TSPO: variants seen among roughly 807,000 people sequenced by gnomAD.
TSPO encodes the protein benzodiazepine peripheral binding site.
A neutral mutation model predicts 13.9 loss-of-function variants in TSPO; 14 were observed. That is an observed-to-expected ratio of 1.01 (90% confidence interval 0.67 to 1.58). The LOEUF (loss-of-function observed/expected upper bound fraction) is 1.58. Among genes scored for constraint, TSPO ranks in the 40% most tolerant of loss-of-function variants. The pLI is 0.00. For missense variants in TSPO, 232 were observed against 229.6 expected (o/e 1.01, Z -0.07); for synonymous variants, 114 against 105.9 (o/e 1.08, Z -0.47).
intron 1 of TSPO, among the ~76,000 whole-genome samples, chr22:43,157,638 C>G (rs574052443): frequency 6.6e-6 from 1 of 152,040 alleles, no homozygotes; most frequent in African/African-American, 2.4e-5. Context: ...GAGACCAGCC[C>G]GGCCAACATG....
chr22:43,161,996 G>C (rs1931455868), intron 3 of TSPO, among the ~76,000 whole-genome samples: 1 of 151,894 alleles, frequency 6.6e-6, no homozygotes, highest in Non-Finnish European at 1.5e-5. Flanking sequence ...TGTTGCCCAG[G>C]CTGGAGTGCA....
At position 43,162,791 on chromosome 22, in the gene TSPO, CA is replaced by C; in HGVS notation, c.322-10del. 6.4e-7 allele frequency: 1 copy of C among 1,552,364 alleles called. No homozygotes were observed. The highest frequency in any genetic ancestry group is 8.7e-7 in the Non-Finnish European group (1 of 1,147,840). Reference sequence around the variant, plus strand: ...TCAGGCCTCCCCATCCTCCGTCCCCCAATCTCTGCAGGCCTTGGTGGATCTC... The same window carrying C: ...TCAGGCCTCCCCATCCTCCGTCCCCCATCTCTGCAGGCCTTGGTGGATCTC... On this transcript the variant is annotated splice_polypyrimidine_tract_variant and intron_variant, in intron 3 of 3. Transcript: ENST00000337554.
At chr22:43,158,410 T>C (rs1931323268) in intron 1 of TSPO, among the ~76,000 whole-genome samples, 1 of 152,110 alleles carries the variant, frequency 6.6e-6, no homozygotes, top group African/African-American at 2.4e-5. Flanking sequence ...TGGCTTCTTG[T>C]CTCAGACAAG....
In TSPO at chr22:43,162,804, C is replaced by A; in HGVS notation, c.323C>A (p.Ala108Asp). 6.3e-7 allele frequency: 1 copy of A among 1,579,376 alleles called. No homozygotes were observed. ...TCCTCCGTCCCCCAATCTCTGCAGG[C>A]CTTGGTGGATCTCCTGCTGGTCAGT... ...IFFGARQMGWALVDLLLVSGA... is the reference protein window; with the variant it reads ...IFFGARQMGWDLVDLLLVSGA... The change falls in exon 4 of 4, where the codon GCC becomes GAC. Residue 108 changes from alanine (A) to aspartate (D), a missense_variant and splice_region_variant. By Grantham distance (126) the Ala-to-Asp change is moderately radical. Transcript: ENST00000337554.
At chr22:43,161,337 C>T in intron 3 of TSPO, 147 bp downstream of exon 3, 2 of 1,187,234 alleles carry the variant, frequency 1.7e-6, no homozygotes. Flanking sequence ...CAGCCCACAC[C>T]CTGGAGCCTC....
At chr22:43,157,384 C>A (rs777656218) in intron 1 of TSPO, among the ~76,000 whole-genome samples, 9 of 151,972 alleles carry the variant, frequency 5.9e-5, no homozygotes, top group Non-Finnish European at 1.2e-4. Flanking sequence ...CCCACCCCCC[C>A]AGAATGTCCA....
intron 1 of TSPO, among the ~76,000 whole-genome samples, chr22:43,156,712 C>T (rs1931261244): frequency 6.6e-6 from 1 of 152,236 alleles, no homozygotes; most frequent in African/African-American, 2.4e-5. Flanking sequence ...TGGCTCACGC[C>T]TGCACTGGGG....
rs758354864 is a variant in TSPO at position 43,161,100 on chromosome 22, G to A, written c.231G>A (p.Lys77=). 2 of 1,614,194 alleles carry A rather than the reference G, an allele frequency of 1.2e-6. No individual in the cohort carries two copies. The highest frequency in any genetic ancestry group is 3.3e-5 in the Admixed American group (2 of 60,026). ...VWKELGGFTE[K]AVVPLGLYTG... ...AAGAGCTGGGAGGCTTCACAGAGAA[G>A]GCTGTGGTTCCCCTGGGCCTCTACA... The change falls in exon 3 of 4, where the codon AAG becomes AAA. Residue 77 remains lysine, a synonymous_variant. Coordinates refer to ENST00000337554, the MANE Select transcript of TSPO (RefSeq NM_000714.6).
chr22:43,162,279 G>A (rs1211071757), intron 3 of TSPO, among the ~76,000 whole-genome samples: 3 of 152,068 alleles, frequency 2.0e-5, no homozygotes, highest in Non-Finnish European at 2.9e-5. Context: ...GTGCTACCAC[G>A]CCTGGCTAAT....
At chr22:43,156,625 T>C (rs954470771) in intron 1 of TSPO, among the ~76,000 whole-genome samples, 12 of 152,088 alleles carry the variant, frequency 7.9e-5, no homozygotes, top group African/African-American at 2.9e-4. Flanking sequence ...ATACAGAGGG[T>C]GGTTGCACAA....
rs1229938160 is a variant in TSPO at position 43,159,567 on chromosome 22, G to A, written c.182+147G>A. 1.0e-5 allele frequency: 9 copies of A among 881,548 alleles called. No individual in the cohort carries two copies. The East Asian group carries it at 2.6e-4, about 25-fold the overall frequency. 54.6% of individuals were successfully genotyped at this position (881,548 alleles called of 1,614,324 possible). ...TGGCAAGCCAGGGTGGGGAAGCTGTGGGCCTGTCGATTGCACAACTGAACT... is the reference window on the plus strand; with the variant it reads ...TGGCAAGCCAGGGTGGGGAAGCTGTAGGCCTGTCGATTGCACAACTGAACT... On this transcript the variant is annotated intron_variant, in intron 2 of 3. Transcript: ENST00000337554.
Position 43,161,234 on chromosome 22 carries a change from C to T in TSPO, c.321+44C>T, listed in dbSNP as rs1182628757. The T allele has an allele frequency of 8.9e-6, 14 of 1,581,522 alleles. 1 individual carries two copies. In the African/African-American group the frequency reaches 9.4e-5, roughly 11 times the overall value. On this transcript the variant is annotated intron_variant, in intron 3 of 3. Coordinates refer to ENST00000337554, the MANE Select transcript of TSPO (RefSeq NM_000714.6). ...TGTGTCCCTGATCCCTGGATCCGAC[C>T]CTTGGAGGACGTGGGGCATCACATA...
chr22:43,154,364 A>ATTTATTTT (rs1931186485), intron 1 of TSPO, among the ~76,000 whole-genome samples: 1 of 150,476 alleles, frequency 6.6e-6, no homozygotes, highest in Admixed American at 6.6e-5. Flanking sequence ...TTATTTATTT[A>ATTTATTTT]TTTATTTATT....
chr22:43,154,487 T>C (rs1179960476), intron 1 of TSPO, among the ~76,000 whole-genome samples: 3 of 152,040 alleles, frequency 2.0e-5, no homozygotes, highest in Non-Finnish European at 2.9e-5. Context: ...GCCTTCTGAG[T>C]AGCTGGGATT....
chr22:43,161,805 T>A (rs1353508282), intron 3 of TSPO, among the ~76,000 whole-genome samples: 1 of 152,150 alleles, frequency 6.6e-6, no homozygotes, highest in Admixed American at 6.5e-5. Context: ...CCCGGCTGAC[T>A]GCTTCTTTTT....
chr22:43,158,289 T>G (rs1321624946), intron 1 of TSPO, among the ~76,000 whole-genome samples: 1 of 152,168 alleles, frequency 6.6e-6, no homozygotes, highest in Non-Finnish European at 1.5e-5. Flanking sequence ...CCAGGCTCCC[T>G]CAGCACCAGT....
intron 1 of TSPO, among the ~76,000 whole-genome samples, chr22:43,157,809 C>A (rs573321353): frequency 6.6e-6 from 1 of 152,330 alleles, no homozygotes; most frequent in East Asian, 1.9e-4. Flanking sequence ...TGTATTCCAC[C>A]CTGGGCAACA....
Position 43,159,264 on chromosome 22 carries a change from TG to T in TSPO, c.29del (p.Gly10AlafsTer82). 1 of 1,560,196 alleles carries T rather than the reference TG, an allele frequency of 6.4e-7. No homozygotes were observed. On this transcript the variant is annotated frameshift_variant, in exon 2 of 4. Coordinates refer to ENST00000337554, the MANE Select transcript of TSPO (RefSeq NM_000714.6). LOFTEE classifies it high-confidence loss of function. ...ATGGCCCCGCCCTGGGTGCCCGCCA[TG>T]GGCTTCACGCTGGCGCCCAGCCTGG... Reference protein sequence around the residue: MAPPWVPAMGFTLAPSLGC... With the variant: MAPPWVPAXGFTLAPSLGC...
At chr22:43,160,852 T>C (rs1931411757) in intron 2 of TSPO, among the ~76,000 whole-genome samples, 200 bp from the exon 3 acceptor site, 1 of 152,238 alleles carries the variant, frequency 6.6e-6, no homozygotes, top group Non-Finnish European at 1.5e-5. Context: ...GGGTATCGCA[T>C]GAAGCACTGC....
Sources: allele counts gnomAD v4.1 joint callset (sites outside exome capture counted in the v4.1 genomes callset), GRCh38; gene constraint gnomAD v4.1.1; transcripts MANE v1.5; gene names NCBI Gene and HGNC (gene_info 2026-07-23, HGNC 2026-07-21).